DPH6: variants seen among roughly 807,000 people sequenced by gnomAD.
DPH6 encodes the protein diphthamine biosynthesis 6, also known as diphthine--ammonia ligase.
Under a neutral mutation model 38.2 loss-of-function variants are expected in DPH6, and 33 were observed. The ratio of observed to expected loss-of-function variants is 0.86; its 90% CI spans 0.65 to 1.15. The LOEUF is 1.15. DPH6 is among the 50% of genes most tolerant of loss of function. The probability of loss-of-function intolerance (pLI) is 0.00; values close to 1 mark genes in which losing one functional copy is unlikely to be tolerated. For synonymous variants in DPH6, 108 were observed against 103.0 expected, an observed-to-expected ratio of 1.05 and a Z score of -0.30; for missense variants, 325 against 320.0, an observed-to-expected ratio of 1.02 and a Z score of -0.12.
chr15:35,538,741 A>T (rs2055210269), intron 2 of DPH6, among the ~76,000 whole-genome samples: 1 of 152,194 alleles, frequency 6.6e-6, no homozygotes, highest in Non-Finnish European at 1.5e-5. Context: ...TATGGTAAAC[A>T]TTTAAAGAGA....
intron 3 of DPH6, among the ~76,000 whole-genome samples, chr15:35,227,812 G>A (rs2051492797): frequency 6.6e-6 from 1 of 151,438 alleles, no homozygotes; most frequent in African/African-American, 2.4e-5. Context: ...ATACGTTTTG[G>A]TATGATGTAT....
Position 35,430,653 on chromosome 15 carries a change from T to C in DPH6, c.506-19757A>G, listed in dbSNP as rs184592243. Among the ~76,000 whole-genome samples the C allele has an allele frequency of 1.0e-3, 155 of 152,320 alleles. 1 individual carries two copies. The highest frequency in any genetic ancestry group is 3.6e-3 in the African/African-American group (150 of 41,598). On this transcript the variant is annotated intron_variant, in intron 5 of 8. Coordinates refer to ENST00000256538, the MANE Select transcript of DPH6 (RefSeq NM_080650.4). ...GCTGGGCTTTGTGCAATAACCATTA[T>C]AATTATGTTTTCAACTGCTTAATAC...
chr15:35,392,629 T>G (rs2140961533), intron 6 of DPH6, among the ~76,000 whole-genome samples: 1 of 152,344 alleles, frequency 6.6e-6, no homozygotes, highest in African/African-American at 2.4e-5. Context: ...CCATGTATCC[T>G]GCATAAAACA....
chr15:35,250,768 A>G (rs1161356088), intron 3 of DPH6, among the ~76,000 whole-genome samples: 1 of 152,204 alleles, frequency 6.6e-6, no homozygotes, highest in East Asian at 1.9e-4. Context: ...AAAATAATAA[A>G]TATAATAAGA....
intron 5 of DPH6, among the ~76,000 whole-genome samples, chr15:35,429,276 T>C (rs903446097): frequency 1.3e-5 from 2 of 152,280 alleles, no homozygotes; most frequent in Middle Eastern, 3.4e-3. Flanking sequence ...TGCTATTGTT[T>C]AGCAATATCT....
chr15:35,509,839 C>T (rs2054743493), intron 3 of DPH6, among the ~76,000 whole-genome samples: 1 of 152,148 alleles, frequency 6.6e-6, no homozygotes, highest in African/African-American at 2.4e-5. Flanking sequence ...CTTTTGCTAC[C>T]TCAGGAACCA....
chr15:35,250,167 G>C (rs2051663095), intron 3 of DPH6, among the ~76,000 whole-genome samples: 1 of 151,446 alleles, frequency 6.6e-6, no homozygotes, highest in Admixed American at 6.6e-5. Flanking sequence ...GACACAGCGA[G>C]ATTCTGTCTC....
At chr15:35,533,743 C>G (rs184110827) in intron 3 of DPH6, among the ~76,000 whole-genome samples, 1 of 150,732 alleles carries the variant, frequency 6.6e-6, no homozygotes, top group East Asian at 1.9e-4. Context: ...TAATAATAAA[C>G]AGAAGGAAAG....
chr15:35,388,771 G>A (rs1352239478), intron 6 of DPH6, among the ~76,000 whole-genome samples: 1 of 152,002 alleles, frequency 6.6e-6, no homozygotes, highest in Non-Finnish European at 1.5e-5. Flanking sequence ...TATCAATTTT[G>A]TTGATCTTTT....
chr15:35,496,567 A>AAAAAAAAAAAAAAAAAAAAAATATATAT, intron 3 of DPH6, among the ~76,000 whole-genome samples: 2 of 31,014 alleles, frequency 6.4e-5, no homozygotes, highest in African/African-American at 2.7e-4. Context: ...AAAAAAAAAA[A>AAAAAAAAAAAAAAAAAAAAAATATATAT]ATATATATAT....
chr15:35,297,678 A>T (rs2140796064), intron 3 of DPH6, among the ~76,000 whole-genome samples: 1 of 151,808 alleles, frequency 6.6e-6, no homozygotes, highest in African/African-American at 2.4e-5. Context: ...ATATGCTGTG[A>T]TTTTTCCATT....
At chr15:35,427,917 C>T (rs1327307132) in intron 5 of DPH6, among the ~76,000 whole-genome samples, 1 of 151,670 alleles carries the variant, frequency 6.6e-6, no homozygotes, top group African/African-American at 2.4e-5. Context: ...CATAGATCAC[C>T]TTCAAATTAA....
the DPH6 span, among the ~76,000 whole-genome samples, chr15:35,173,451 T>C: frequency 1.6e-3 from 241 of 152,312 alleles, 1 homozygote; most frequent in African/African-American, 5.3e-3. Flanking sequence ...GCTGCTTTGA[T>C]GTCTGCAAAG....
intron 6 of DPH6, among the ~76,000 whole-genome samples, chr15:35,396,789 C>T (rs1001894099): frequency 6.6e-6 from 1 of 152,184 alleles, no homozygotes; most frequent in African/African-American, 2.4e-5. Flanking sequence ...CAAAGATGTT[C>T]CAAACCCTTT....
chr15:35,403,701 G>T (rs1285614824), intron 6 of DPH6, among the ~76,000 whole-genome samples: 1 of 151,834 alleles, frequency 6.6e-6, no homozygotes, highest in Non-Finnish European at 1.5e-5. Context: ...GTAGTCGACA[G>T]TTTGCCACAT....
chr15:35,478,331 T>G (rs1383664996), intron 3 of DPH6, among the ~76,000 whole-genome samples: 1 of 148,544 alleles, frequency 6.7e-6, no homozygotes, highest in East Asian at 2.0e-4. Context: ...AAGAAAACAC[T>G]AGGAATACTT....
intron 3 of DPH6, among the ~76,000 whole-genome samples, chr15:35,349,902 T>C (rs1164002837): frequency 6.6e-6 from 1 of 152,184 alleles, no homozygotes; most frequent in East Asian, 1.9e-4. Flanking sequence ...TCATCAGGGA[T>C]ATTGGTTTGT....
the DPH6 span, among the ~76,000 whole-genome samples, chr15:35,149,575 C>A: frequency 6.6e-6 from 1 of 152,160 alleles, no homozygotes; most frequent in Non-Finnish European, 1.5e-5. Context: ...ACAGACCTGA[C>A]CACCACACGG....
At chr15:35,527,211 A>T (rs1222490672) in intron 3 of DPH6, among the ~76,000 whole-genome samples, 2 of 152,168 alleles carry the variant, frequency 1.3e-5, no homozygotes, top group African/African-American at 4.8e-5. Context: ...ACTTTACTAG[A>T]TTATTCTGGA....
Sources: allele counts gnomAD v4.1 joint callset (sites outside exome capture counted in the v4.1 genomes callset), GRCh38; gene constraint gnomAD v4.1.1; transcripts MANE v1.5; gene names NCBI Gene and HGNC (gene_info 2026-07-23, HGNC 2026-07-21).